The following IL1RAPL2 variants were observed in gnomAD, a reference collection of about 807,000 sequenced individuals.
IL1RAPL2 encodes X-linked interleukin-1 receptor accessory protein-like 2.
A neutral mutation model predicts 44.1 loss-of-function variants in IL1RAPL2; 3 were observed. The ratio of observed to expected loss-of-function variants is 0.07; its 90% CI spans 0.03 to 0.18. IL1RAPL2 has a LOEUF of 0.18. Ranked by LOEUF, IL1RAPL2 falls within the 10% of genes least tolerant of loss-of-function variation. IL1RAPL2 has a pLI of 1.00. For missense variants in IL1RAPL2, 391 were observed against 496.4 expected, an observed-to-expected ratio of 0.79 and a Z score of 2.02; for synonymous variants, 181 against 178.8, an observed-to-expected ratio of 1.01 and a Z score of -0.10.
intron 5 of IL1RAPL2, among the ~76,000 whole-genome samples, chrX:105,387,524 C>T (rs921599968): frequency 2.7e-5 from 3 of 110,073 alleles, no homozygotes; most frequent in Admixed American, 9.7e-5. Flanking sequence ...TGAGCCACCG[C>T]GCCTGGCCTC....
intron 2 of IL1RAPL2, among the ~76,000 whole-genome samples, chrX:104,740,994 T>G (rs1337571181): frequency 1.8e-5 from 2 of 111,532 alleles, no homozygotes; most frequent in Non-Finnish European, 3.8e-5. Context: ...TGTTTTGATA[T>G]CAATGTGTCT....
chrX:105,059,371 TATG>T (rs2032041794), intron 2 of IL1RAPL2, among the ~76,000 whole-genome samples: 1 of 111,891 alleles, frequency 8.9e-6, no homozygotes, highest in African/African-American at 3.3e-5. Context: ...AGTGAGAAAA[TATG>T]ATAATTGTCT....
intron 1 of IL1RAPL2, among the ~76,000 whole-genome samples, chrX:104,592,141 GTA>G (rs1228765002): frequency 4.9e-5 from 4 of 82,435 alleles, no homozygotes; most frequent in African/African-American, 1.9e-4. Flanking sequence ...TTTAATGCCC[GTA>G]TATGTGTGTG....
intron 5 of IL1RAPL2, among the ~76,000 whole-genome samples, chrX:105,329,666 T>C (rs919444098): frequency 1.8e-5 from 2 of 111,515 alleles, no homozygotes; most frequent in African/African-American, 6.5e-5. Context: ...AGACATCTAA[T>C]GCAGAACTAT....
At chrX:105,486,110 T>C (rs1222787517) in intron 6 of IL1RAPL2, among the ~76,000 whole-genome samples, 2 of 111,868 alleles carry the variant, frequency 1.8e-5, no homozygotes, top group African/African-American at 6.5e-5. Flanking sequence ...CTCCATATCC[T>C]CTCCAGCATT....
intron 5 of IL1RAPL2, among the ~76,000 whole-genome samples, chrX:105,318,470 G>A (rs2034869863): frequency 9.0e-6 from 1 of 111,532 alleles, no homozygotes; most frequent in Non-Finnish European, 1.9e-5. Flanking sequence ...TTTTTTGGAG[G>A]AGTTGGAACC....
intron 2 of IL1RAPL2, among the ~76,000 whole-genome samples, chrX:104,887,209 C>T (rs1923275619): frequency 8.9e-6 from 1 of 111,949 alleles, no homozygotes; most frequent in South Asian, 3.7e-4. Context: ...TCAAGGAGAC[C>T]CAGAGGGCAA....
chrX:105,272,026 G>GC (rs769603067), intron 5 of IL1RAPL2, among the ~76,000 whole-genome samples: 14 of 106,116 alleles, frequency 1.3e-4, no homozygotes, highest in Non-Finnish European at 2.5e-4. Context: ...GTAAACTATC[G>GC]CAAGAACAAA....
intron 5 of IL1RAPL2, among the ~76,000 whole-genome samples, chrX:105,344,781 G>A: frequency 8.9e-6 from 1 of 111,862 alleles, no homozygotes; most frequent in Middle Eastern, 4.6e-3. Flanking sequence ...AGGATATGCT[G>A]AGAGCCCTGG....
intron 1 of IL1RAPL2, among the ~76,000 whole-genome samples, chrX:104,632,374 C>T (rs370243278): frequency 1.2e-3 from 132 of 111,278 alleles, no homozygotes; most frequent in South Asian, 9.9e-3. Context: ...TCCAATTCTG[C>T]GAAGAAAGTC....
In IL1RAPL2 at chrX:105,110,472, A is replaced by G. The variant is rs770423605; in HGVS notation, c.83-85003A>G. Reference sequence around the variant, plus strand: ...ATAAACATCTTTAGCCCCAGTTGAGAGTCTCCACAATTCCTGAGCAATTTG... The same window carrying G: ...ATAAACATCTTTAGCCCCAGTTGAGGGTCTCCACAATTCCTGAGCAATTTG... On this transcript the variant is annotated intron_variant, in intron 2 of 10. Transcript: ENST00000372582. Among the ~76,000 whole-genome samples the G allele has an allele frequency of 2.7e-5, 3 of 112,034 alleles. 1 individual carries two copies. The South Asian group carries it at 1.1e-3, about 42-fold the overall frequency.
chrX:105,353,410 G>A (rs572407946), intron 5 of IL1RAPL2, among the ~76,000 whole-genome samples: 17 of 111,418 alleles, frequency 1.5e-4, no homozygotes, highest in African/African-American at 5.2e-4. Context: ...ACTTGGCAAC[G>A]CGGGCTCTTT....
intron 6 of IL1RAPL2, among the ~76,000 whole-genome samples, chrX:105,687,748 A>C (rs1336802950): frequency 8.9e-6 from 1 of 111,752 alleles, no homozygotes; most frequent in Non-Finnish European, 1.9e-5. Context: ...TCCTGATACC[A>C]AAGCCTGGCA....
At chrX:104,664,474 T>C (rs1293555815) in intron 2 of IL1RAPL2, among the ~76,000 whole-genome samples, 1 of 111,834 alleles carries the variant, frequency 8.9e-6, no homozygotes, top group Non-Finnish European at 1.9e-5. Context: ...GAGAGCTGGG[T>C]TGATTGTGGG....
chrX:104,758,149 A>C (rs1932371830), intron 2 of IL1RAPL2, among the ~76,000 whole-genome samples: 1 of 111,904 alleles, frequency 8.9e-6, no homozygotes, highest in Non-Finnish European at 1.9e-5. Flanking sequence ...CCTTTGGGAA[A>C]AGAGAATTAA....
intron 2 of IL1RAPL2, among the ~76,000 whole-genome samples, chrX:105,077,824 G>A (rs1163773309): frequency 8.9e-6 from 1 of 111,823 alleles, no homozygotes. Flanking sequence ...TCTTCCAGTT[G>A]ATTGCATCAG....
chrX:105,195,478 A>G lies in IL1RAPL2; in HGVS notation c.86A>G (p.Asp29Gly), dbSNP rs1556140305. 5 of 1,211,094 alleles carry G rather than the reference A, an allele frequency of 4.1e-6. No individual in the cohort carries two copies. In the South Asian group the frequency reaches 5.3e-5, roughly 13 times the overall value. ...ACCTCTTCTGATTTTCTTTCAGTGG[A>G]TGGCTGCATTGACTGGTCAGTGGAT... ...LKMVSKRNSVDGCIDWSVDLK... is the reference protein window; with the variant it reads ...LKMVSKRNSVGGCIDWSVDLK... The change falls in exon 3 of 11, where the codon GAT (aspartate) becomes GGT (glycine). Residue 29 changes from aspartate to glycine, a missense_variant. Asp to Gly is a moderately conservative substitution (Grantham distance 94). Coordinates refer to ENST00000372582, the MANE Select transcript of IL1RAPL2 (RefSeq NM_017416.2).
Position 105,767,670 on chromosome X carries a change from C to A in IL1RAPL2, c.*9C>A, listed in dbSNP as rs769184869. 4.5e-6 allele frequency: 5 copies of A among 1,110,753 alleles called. No homozygotes were observed. In the South Asian group the frequency reaches 7.6e-5, roughly 17 times the overall value. The allele number at this position is 1,110,753 out of a possible 1,213,427, so 91.5% of individuals were successfully genotyped here. On this transcript the variant is annotated 3_prime_UTR_variant, in exon 11 of 11. Coordinates refer to ENST00000372582, the MANE Select transcript of IL1RAPL2 (RefSeq NM_017416.2). ...CCAGTGATATTTGGTAGTGAAAAAT[C>A]TGAATTCCTCTGAACAGCTAGATAA...
At chrX:105,043,020 T>C (rs2031775851) in intron 2 of IL1RAPL2, among the ~76,000 whole-genome samples, 1 of 92,251 alleles carries the variant, frequency 1.1e-5, no homozygotes, top group African/African-American at 4.1e-5. Flanking sequence ...TAGGTGGGAA[T>C]TGAACAATGA....
Sources: allele counts gnomAD v4.1 joint callset (sites outside exome capture counted in the v4.1 genomes callset), GRCh38; gene constraint gnomAD v4.1.1; transcripts MANE v1.5; gene names NCBI Gene and HGNC (gene_info 2026-07-23, HGNC 2026-07-21).